The following PRELID2 variants were observed in gnomAD, a reference collection of about 807,000 sequenced individuals.
The protein encoded by PRELID2 is PRELI domain-containing protein 2.
Under a neutral mutation model 28.4 loss-of-function variants are expected in PRELID2, and 25 were observed. That is an observed-to-expected ratio of 0.88 (90% confidence interval 0.64 to 1.23). The LOEUF (loss-of-function observed/expected upper bound fraction) is 1.23, where lower values mean the gene tolerates loss of function less well. Ranked by LOEUF, PRELID2 falls within the 50% of genes most tolerant of loss-of-function variation. The pLI, the probability that PRELID2 is intolerant of heterozygous loss-of-function variation, is 0.00. For synonymous variants in PRELID2, 76 were observed against 71.6 expected (o/e 1.06, Z -0.31); for missense variants, 201 against 214.4 (o/e 0.94, Z 0.39).
At chr5:145,796,594 G>A (rs1428184951) in intron 4 of PRELID2, 47 bp from the exon 5 acceptor site, 4 of 1,215,298 alleles carry the variant, frequency 3.3e-6, no homozygotes, top group Non-Finnish European at 4.7e-6. Context: ...TCTATGCTTG[G>A]ATATGTAAAC....
At chr5:145,619,782 T>C (rs567498330) in intron 1 of PRELID2, among the ~76,000 whole-genome samples, 1 of 152,216 alleles carries the variant, frequency 6.6e-6, no homozygotes, top group Non-Finnish European at 1.5e-5. Flanking sequence ...AAAATACCTG[T>C]ACAGGCAACT....
intron 1 of PRELID2, among the ~76,000 whole-genome samples, chr5:145,490,775 A>T (rs1372266818): frequency 6.6e-6 from 1 of 152,210 alleles, no homozygotes; most frequent in East Asian, 1.9e-4. Flanking sequence ...AAATTTGAAA[A>T]TTCAGTTTCT....
chr5:145,659,496 G>T (rs548091320), intron 1 of PRELID2, among the ~76,000 whole-genome samples: 58 of 152,344 alleles, frequency 3.8e-4, no homozygotes, highest in African/African-American at 1.3e-3. Flanking sequence ...AAGCAGACAT[G>T]GACCTAGCAG....
At chr5:145,299,946 A>G in the PRELID2 span, among the ~76,000 whole-genome samples, 2 of 152,128 alleles carry the variant, frequency 1.3e-5, no homozygotes, top group African/African-American at 2.4e-5. Flanking sequence ...TAAATCAATG[A>G]GTTGATTTTC....
At chr5:145,289,362 T>C in the PRELID2 span, among the ~76,000 whole-genome samples, 1 of 152,202 alleles carries the variant, frequency 6.6e-6, no homozygotes, top group Non-Finnish European at 1.5e-5. Context: ...GTAGGTAGCC[T>C]TCTAGACTGG....
In PRELID2 at chr5:145,815,555, G is replaced by T. The variant is rs187758052; in HGVS notation, c.368+2339C>A. ...AAAAGAAACTCCGTACCAACTGGCA[G>T]TCACTCATCACTCCCCTCTCCCCGT... is the stretch of plus-strand genomic sequence containing the variant. On this transcript the variant is annotated intron_variant, in intron 4 of 6. Coordinates refer to ENST00000683046, the MANE Select transcript of PRELID2 (RefSeq NM_205846.3). Among the ~76,000 whole-genome samples the T allele has an allele frequency of 1.5e-3, 228 of 152,284 alleles. 1 individual carries two copies. Among genetic ancestry groups the T allele is most frequent in the African/African-American group, 5.1e-3 (212 of 41,556 alleles).
At chr5:145,637,237 G>A (rs141939717) in intron 1 of PRELID2, among the ~76,000 whole-genome samples, 19 of 152,308 alleles carry the variant, frequency 1.2e-4, no homozygotes, top group Middle Eastern at 3.4e-3. Flanking sequence ...CATTTTACAT[G>A]CATTATTTCA....
At chr5:145,621,659 C>T (rs924348228) in intron 1 of PRELID2, among the ~76,000 whole-genome samples, 7 of 152,000 alleles carry the variant, frequency 4.6e-5, no homozygotes, top group East Asian at 1.9e-4. Context: ...TGGAAGAAGA[C>T]AGTAGAATTG....
intron 1 of PRELID2, among the ~76,000 whole-genome samples, chr5:145,607,614 G>A (rs1431674687): frequency 2.0e-5 from 3 of 152,024 alleles, no homozygotes; most frequent in African/African-American, 7.2e-5. Context: ...AGTGTGTTTG[G>A]TACATTTTGG....
At chr5:145,377,921 T>C in the PRELID2 span, among the ~76,000 whole-genome samples, 18 of 152,146 alleles carry the variant, frequency 1.2e-4, no homozygotes, top group African/African-American at 4.3e-4. Context: ...TTTTGCAGAA[T>C]TGTTTATGTG....
intron 1 of PRELID2, among the ~76,000 whole-genome samples, chr5:145,685,508 C>T (rs1001407229): frequency 2.0e-5 from 3 of 152,162 alleles, no homozygotes; most frequent in Non-Finnish European, 4.4e-5. Flanking sequence ...CAAACCTAAA[C>T]CTCATCACAT....
At chr5:145,794,598 G>A (rs1429047807) in intron 5 of PRELID2, among the ~76,000 whole-genome samples, 1 of 152,136 alleles carries the variant, frequency 6.6e-6, no homozygotes, top group Non-Finnish European at 1.5e-5. Context: ...AGTGCCTAGT[G>A]CAAAGCAGGT....
intron 1 of PRELID2, among the ~76,000 whole-genome samples, chr5:145,608,354 A>T (rs1226262476): frequency 6.6e-6 from 1 of 152,112 alleles, no homozygotes; most frequent in African/African-American, 2.4e-5. Context: ...CTCCATACTC[A>T]AGTGTGTCTT....
intron 1 of PRELID2, among the ~76,000 whole-genome samples, chr5:145,705,744 T>C (rs1364141431): frequency 1.3e-5 from 2 of 152,170 alleles, no homozygotes; most frequent in African/African-American, 4.8e-5. Flanking sequence ...ATAGATAATA[T>C]GCGAAAACAA....
chr5:145,593,370 T>G (rs1489680513), intron 1 of PRELID2, among the ~76,000 whole-genome samples: 2 of 152,156 alleles, frequency 1.3e-5, no homozygotes, highest in East Asian at 3.9e-4. Context: ...CTGAACATCT[T>G]GTGATCAAGG....
At chr5:145,666,162 G>A (rs1754590085) in intron 1 of PRELID2, among the ~76,000 whole-genome samples, 1 of 151,894 alleles carries the variant, frequency 6.6e-6, no homozygotes, top group Non-Finnish European at 1.5e-5. Flanking sequence ...AATTCTAAAT[G>A]GTTGGTTTCT....
chr5:145,665,367 T>C (rs1754568065), intron 1 of PRELID2, among the ~76,000 whole-genome samples: 1 of 152,004 alleles, frequency 6.6e-6, no homozygotes, highest in South Asian at 2.1e-4. Flanking sequence ...AGGGGGGTGG[T>C]CAATTAGCAG....
At chr5:145,522,070 A>G (rs1752567055) in intron 1 of PRELID2, among the ~76,000 whole-genome samples, 2 of 152,174 alleles carry the variant, frequency 1.3e-5, no homozygotes, top group African/African-American at 2.4e-5. Context: ...AGACTAAAAC[A>G]TGTACCTCCC....
At chr5:145,289,292 C>G in the PRELID2 span, among the ~76,000 whole-genome samples, 1 of 152,114 alleles carries the variant, frequency 6.6e-6, no homozygotes, top group African/African-American at 2.4e-5. Context: ...CTCTTTCTGA[C>G]CTTTCTGTTA....
Sources: allele counts gnomAD v4.1 joint callset (sites outside exome capture counted in the v4.1 genomes callset), GRCh38; gene constraint gnomAD v4.1.1; transcripts MANE v1.5; gene names NCBI Gene and HGNC (gene_info 2026-07-23, HGNC 2026-07-21).